The following TANC1 variants were observed in gnomAD, a reference collection of about 807,000 sequenced individuals.
TANC1 encodes tetratricopeptide repeat, ankyrin repeat and coiled-coil containing 1.
In TANC1, 77 loss-of-function variants were observed where a neutral mutation model predicts 149.7. The ratio of observed to expected loss-of-function variants is 0.51; its 90% CI spans 0.43 to 0.62. The LOEUF (loss-of-function observed/expected upper bound fraction) is 0.62, where lower values mean the gene tolerates loss of function less well. Among genes scored for constraint, TANC1 ranks in the 20% least tolerant of loss-of-function variants. TANC1 has a pLI of 0.00. For synonymous variants in TANC1, 854 were observed against 925.0 expected, an observed-to-expected ratio of 0.92 and a Z score of 1.39; for missense variants, 1,985 against 2,321.8, an observed-to-expected ratio of 0.85 and a Z score of 2.98.
intron 3 of TANC1, among the ~76,000 whole-genome samples, chr2:159,094,773 GT>G (rs1196313366): frequency 1.1e-4 from 15 of 142,126 alleles, no homozygotes; most frequent in African/African-American, 3.1e-4. Flanking sequence ...TTGTGTGTGT[GT>G]GGGGGGGGGG....
At chr2:159,000,583 T>C (rs1021091492) in intron 1 of TANC1, among the ~76,000 whole-genome samples, 2 of 151,876 alleles carry the variant, frequency 1.3e-5, no homozygotes, top group Admixed American at 1.3e-4. Context: ...ATTAGTTCCC[T>C]TGGGTTTGGC....
At chr2:159,192,661 T>G (rs1405723522) in intron 16 of TANC1, among the ~76,000 whole-genome samples, 1 of 152,216 alleles carries the variant, frequency 6.6e-6, no homozygotes, top group East Asian at 1.9e-4. Flanking sequence ...GTTTTTGTTT[T>G]GCTTTTGAGA....
intron 2 of TANC1, among the ~76,000 whole-genome samples, chr2:159,036,728 A>G (rs1448755964): frequency 1.3e-5 from 2 of 152,180 alleles, no homozygotes; most frequent in Non-Finnish European, 2.9e-5. Flanking sequence ...CATGGTGTAT[A>G]TGTGGCACAT....
In TANC1 at chr2:159,219,331, T is replaced by C; in HGVS notation, c.3472T>C (p.Leu1158=). The part of the protein sequence containing the change: ...PLMVAACEGH[L]STVEFLLSKG... ...CATGGTGGCTGCTTGTGAAGGGCACTTGAGCACCGTGGAATTCCTCCTTTC... is the reference window on the plus strand; with the variant it reads ...CATGGTGGCTGCTTGTGAAGGGCACCTGAGCACCGTGGAATTCCTCCTTTC... Residue 1158 remains leucine (L), a synonymous_variant, in exon 21 of 27, where the codon TTG becomes CTG. Coordinates refer to ENST00000263635, the MANE Select transcript of TANC1 (RefSeq NM_033394.3). 1 of 1,614,086 alleles carries C rather than the reference T, an allele frequency of 6.2e-7. No individual in the cohort carries two copies. The highest frequency in any genetic ancestry group is 8.5e-7 in the Non-Finnish European group (1 of 1,180,002).
At chr2:159,110,881 C>T (rs1305372839) in intron 4 of TANC1, among the ~76,000 whole-genome samples, 1 of 152,150 alleles carries the variant, frequency 6.6e-6, no homozygotes, top group African/African-American at 2.4e-5. Context: ...AAGCATGTGT[C>T]GTCTTGACAT....
chr2:159,011,604 T>C (rs2037772287), intron 2 of TANC1, among the ~76,000 whole-genome samples: 1 of 143,140 alleles, frequency 7.0e-6, no homozygotes, highest in African/African-American at 2.6e-5. Flanking sequence ...AGCAGGATCA[T>C]AGCTCACTGC....
chr2:159,042,677 G>GT (rs2040743574), intron 2 of TANC1, among the ~76,000 whole-genome samples: 1 of 151,998 alleles, frequency 6.6e-6, no homozygotes, highest in South Asian at 2.1e-4. Context: ...GGGGGGTGGT[G>GT]TGGGCATGCA....
intron 7 of TANC1, among the ~76,000 whole-genome samples, chr2:159,154,446 A>G (rs953469546): frequency 3.9e-5 from 6 of 152,170 alleles, no homozygotes; most frequent in Non-Finnish European, 5.9e-5. Context: ...GGTGCCCTGC[A>G]TGTGTTCTGT....
chr2:159,219,478 A>T, intron 21 of TANC1, 117 bp downstream of exon 21: 1 of 1,472,626 alleles, frequency 6.8e-7, no homozygotes, highest in Non-Finnish European at 9.4e-7. Flanking sequence ...AAATTTTCTA[A>T]TAAACAGTAG....
At position 159,084,205 on chromosome 2, in the gene TANC1, G is replaced by A. The variant is rs577762481; in HGVS notation, c.62-13432G>A. The stretch of plus-strand genomic sequence containing the variant: ...GTGGAGGGTGCAGTGAGCCGAGATC[G>A]TGCCACTGCACTCCAGCCTGGGTGA... On this transcript the variant is annotated intron_variant, in intron 3 of 26. Coordinates refer to ENST00000263635, the MANE Select transcript of TANC1 (RefSeq NM_033394.3). Among the ~76,000 whole-genome samples, 9 of 151,450 alleles carry A rather than the reference G, an allele frequency of 5.9e-5. No homozygotes were observed. In the East Asian group the frequency reaches 9.7e-4, roughly 16 times the overall value.
chr2:159,013,575 G>C, intron 2 of TANC1, among the ~76,000 whole-genome samples: 1 of 152,082 alleles, frequency 6.6e-6, no homozygotes, highest in East Asian at 1.9e-4. Context: ...TGCAGGAGAG[G>C]GTAGACAGAG....
chr2:158,992,142 C>T (rs373074167), intron 1 of TANC1, among the ~76,000 whole-genome samples: 4 of 152,088 alleles, frequency 2.6e-5, no homozygotes, highest in African/African-American at 7.2e-5. Context: ...ACAGGCAGAT[C>T]GCTTGAACCC....
intron 3 of TANC1, among the ~76,000 whole-genome samples, chr2:159,090,579 G>A (rs1313780459): frequency 1.3e-5 from 2 of 152,144 alleles, no homozygotes; most frequent in African/African-American, 2.4e-5. Context: ...GCAGAGCCAC[G>A]GAATTCAAGC....
chr2:159,069,373 T>C (rs1328108487), intron 3 of TANC1, among the ~76,000 whole-genome samples: 1 of 152,128 alleles, frequency 6.6e-6, no homozygotes, highest in Non-Finnish European at 1.5e-5. Context: ...GATGAGGGCA[T>C]CTTATTTTTT....
At position 159,070,431 on chromosome 2, in the gene TANC1, C is replaced by T. The variant is rs576691196; in HGVS notation, c.61+4460C>T. On this transcript the variant is annotated intron_variant, in intron 3 of 26. Coordinates refer to ENST00000263635, the MANE Select transcript of TANC1 (RefSeq NM_033394.3). ...TTGACACATTATTATCACCCAAAGT[C>T]CATAGGTTACATCAGGTTCACTCTT... Among the ~76,000 whole-genome samples the T allele has an allele frequency of 1.2e-4, 19 of 152,268 alleles. 1 individual carries two copies. The highest frequency in any genetic ancestry group is 1.0e-3 in the South Asian group (5 of 4,832).
chr2:159,029,720 C>CA (rs2039633977), intron 2 of TANC1, among the ~76,000 whole-genome samples: 1 of 152,048 alleles, frequency 6.6e-6, no homozygotes, highest in Admixed American at 6.6e-5. Flanking sequence ...CTTGCCACCA[C>CA]ACCCAGTTAA....
chr2:159,048,596 A>G (rs1337272796), intron 2 of TANC1, among the ~76,000 whole-genome samples: 1 of 152,228 alleles, frequency 6.6e-6, no homozygotes, highest in Admixed American at 6.5e-5. Context: ...CAATGTGAAC[A>G]TAGAAATTTT....
At chr2:159,045,278 A>G (rs2040950735) in intron 2 of TANC1, among the ~76,000 whole-genome samples, 1 of 152,078 alleles carries the variant, frequency 6.6e-6, no homozygotes, top group Non-Finnish European at 1.5e-5. Flanking sequence ...AAAAATACAA[A>G]AAAATTACCC....
At chr2:159,122,954 G>A (rs2049012419) in intron 4 of TANC1, among the ~76,000 whole-genome samples, 1 of 151,936 alleles carries the variant, frequency 6.6e-6, no homozygotes, top group African/African-American at 2.4e-5. Flanking sequence ...CCTTTTAATG[G>A]TCTCAGTGCA....
Sources: allele counts gnomAD v4.1 joint callset (sites outside exome capture counted in the v4.1 genomes callset), GRCh38; gene constraint gnomAD v4.1.1; transcripts MANE v1.5; gene names NCBI Gene and HGNC (gene_info 2026-07-23, HGNC 2026-07-21).